Variants in ADAMTSL1 observed in about 807,000 individuals in gnomAD.
ADAMTSL1 encodes ADAMTS-like protein 1.
A neutral mutation model predicts 201.8 loss-of-function variants in ADAMTSL1; 126 were observed. The ratio of observed to expected loss-of-function variants is 0.62; its 90% CI spans 0.54 to 0.72. The LOEUF (loss-of-function observed/expected upper bound fraction) is 0.72. ADAMTSL1 is among the 30% of genes least tolerant of loss of function. The pLI, the probability that ADAMTSL1 is intolerant of heterozygous loss-of-function variation, is 0.00. For missense variants in ADAMTSL1, 2,679 were observed against 2,277.8 expected, an observed-to-expected ratio of 1.18 and a Z score of -3.59; for synonymous variants, 1,121 against 903.4, an observed-to-expected ratio of 1.24 and a Z score of -4.32.
intron 1 of ADAMTSL1, among the ~76,000 whole-genome samples, chr9:18,069,344 T>C (rs935072321): frequency 1.3e-5 from 2 of 152,202 alleles, no homozygotes; most frequent in Non-Finnish European, 2.9e-5. Context: ...ACATTTAAAT[T>C]ATATATGTGG....
At chr9:18,428,424 C>A (rs1459415680) in intron 2 of ADAMTSL1, among the ~76,000 whole-genome samples, 5 of 124,918 alleles carry the variant, frequency 4.0e-5, no homozygotes, top group Non-Finnish European at 5.1e-5. Flanking sequence ...TTGTGAGACC[C>A]CTATGTCTAC....
intron 2 of ADAMTSL1, among the ~76,000 whole-genome samples, chr9:18,231,008 C>A (rs759508734): frequency 6.6e-6 from 1 of 152,152 alleles, no homozygotes; most frequent in African/African-American, 2.4e-5. Context: ...GTGCTTAATG[C>A]ACCACTTCCT....
intron 2 of ADAMTSL1, among the ~76,000 whole-genome samples, chr9:18,302,064 G>A (rs927156059): frequency 2.6e-5 from 4 of 152,148 alleles, no homozygotes; most frequent in African/African-American, 4.8e-5. Context: ...TCTTTAAGGT[G>A]TAGTTGAAGT....
intron 4 of ADAMTSL1, among the ~76,000 whole-genome samples, chr9:18,587,857 G>A (rs145524235): frequency 0.012 from 1,833 of 152,126 alleles, 18 homozygotes; most frequent in Non-Finnish European, 0.016. Flanking sequence ...TATACCATGT[G>A]TCATAACCAT....
chr9:18,607,572 TTTATTA>T (rs59454405), intron 4 of ADAMTSL1, among the ~76,000 whole-genome samples: 60,143 of 140,378 alleles, frequency 0.43, 12,594 homozygotes, highest in East Asian at 0.68. Flanking sequence ...CATAATTTCT[TTTATTA>T]TTATTATTAT....
chr9:18,630,576 C>T (rs1490681541), intron 5 of ADAMTSL1, among the ~76,000 whole-genome samples: 1 of 152,154 alleles, frequency 6.6e-6, no homozygotes, highest in East Asian at 1.9e-4. Context: ...ACTTCCAAAG[C>T]TGTAGCCTAG....
At position 18,632,007 on chromosome 9, in the gene ADAMTSL1, G is replaced by A. The variant is rs532055848; in HGVS notation, c.602-3936G>A. Among the ~76,000 whole-genome samples the A allele has an allele frequency of 2.6e-5, 4 of 152,304 alleles. No individual in the cohort carries two copies. In the East Asian group the frequency reaches 5.8e-4, roughly 22 times the overall value. ...TAGATTAGGGCAGATGCACTCAATC[G>A]TAAAACAGTGTGCCTTTGTAGGAAA... On this transcript the variant is annotated intron_variant, in intron 5 of 28. Transcript: ENST00000380548.
At chr9:17,939,995 C>CA (rs1827170165) in intron 1 of ADAMTSL1, among the ~76,000 whole-genome samples, 1 of 151,930 alleles carries the variant, frequency 6.6e-6, no homozygotes, top group Non-Finnish European at 1.5e-5. Context: ...TAGAGAACAG[C>CA]ATTGCAGAGG....
chr9:18,113,369 G>T (rs1438721000), intron 1 of ADAMTSL1, among the ~76,000 whole-genome samples: 1 of 152,082 alleles, frequency 6.6e-6, no homozygotes, highest in Non-Finnish European at 1.5e-5. Flanking sequence ...GATGGGATTG[G>T]GCAAGACTGG....
intron 2 of ADAMTSL1, among the ~76,000 whole-genome samples, chr9:18,418,615 A>G (rs929427307): frequency 2.6e-5 from 4 of 152,210 alleles, no homozygotes; most frequent in Non-Finnish European, 5.9e-5. Flanking sequence ...TAAAATGGGG[A>G]AAATGATATA....
chr9:18,628,559 T>C (rs1297021261), intron 5 of ADAMTSL1, among the ~76,000 whole-genome samples: 1 of 152,330 alleles, frequency 6.6e-6, no homozygotes, highest in East Asian at 1.9e-4. Flanking sequence ...TATTCTATTC[T>C]GGGTCTTTGT....
At chr9:18,839,667 C>T (rs1825584732) in intron 23 of ADAMTSL1, among the ~76,000 whole-genome samples, 1 of 152,116 alleles carries the variant, frequency 6.6e-6, no homozygotes, top group South Asian at 2.1e-4. Flanking sequence ...AAAAGTGTTC[C>T]TATTTCTCCA....
In ADAMTSL1 at chr9:18,366,327, A is replaced by T. The variant is rs190815824; in HGVS notation, c.208-138502A>T. ...AGCGTGCATCAGCTTCCTTATATAC[A>T]TATGGCTGAAGTCATCTCGGTGCTA... On this transcript the variant is annotated intron_variant, in intron 2 of 29. Coordinates refer to the ADAMTSL1 transcript ENST00000680146. 6.6e-3 allele frequency among the ~76,000 whole-genome samples: 800 copies of T among 120,446 alleles called. 8 individuals are homozygous for T. The highest frequency in any genetic ancestry group is 0.022 in the African/African-American group (772 of 35,738). The allele number at this position is 120,446 out of a possible 152,430, so 79.0% of individuals were successfully genotyped here. A position where few individuals can be genotyped will look rare whatever the true frequency, so the allele number is the denominator to read the frequency against.
chr9:18,221,041 C>T (rs532137722), intron 2 of ADAMTSL1, among the ~76,000 whole-genome samples: 2 of 152,238 alleles, frequency 1.3e-5, no homozygotes, highest in South Asian at 4.1e-4. Flanking sequence ...TCCCAAAGTT[C>T]GGGGATTACA....
At chr9:18,036,328 G>C (rs1383310691) in intron 1 of ADAMTSL1, among the ~76,000 whole-genome samples, 1 of 152,158 alleles carries the variant, frequency 6.6e-6, no homozygotes, top group Non-Finnish European at 1.5e-5. Context: ...CCAAAGGCCC[G>C]TGGATTCTCC....
intron 1 of ADAMTSL1, among the ~76,000 whole-genome samples, chr9:17,944,370 A>G (rs201181406): frequency 1.4e-3 from 213 of 152,202 alleles, no homozygotes; most frequent in Admixed American, 2.4e-3. Flanking sequence ...AATCAATATC[A>G]TGAAAATGGC....
chr9:18,152,485 A>G (rs930322250), intron 1 of ADAMTSL1, among the ~76,000 whole-genome samples: 14 of 152,056 alleles, frequency 9.2e-5, no homozygotes, highest in Non-Finnish European at 1.9e-4. Context: ...TTGCAGGGCA[A>G]GAAACAATAG....
intron 2 of ADAMTSL1, among the ~76,000 whole-genome samples, chr9:18,509,923 C>T (rs1037220237): frequency 5.9e-5 from 9 of 152,192 alleles, no homozygotes; most frequent in Admixed American, 2.6e-4. Context: ...TTCTCCACTC[C>T]AGATCTAGGC....
chr9:18,685,187 T>C (rs1830753338), intron 13 of ADAMTSL1, among the ~76,000 whole-genome samples: 1 of 152,202 alleles, frequency 6.6e-6, no homozygotes, highest in African/African-American at 2.4e-5. Context: ...GTCACAAAAA[T>C]TAAAGAGCAA....
Sources: gnomAD v4.1 joint callset for allele counts (sites outside exome capture counted in the v4.1 genomes callset) on GRCh38, gnomAD v4.1.1 for gene constraint, MANE v1.5 for transcripts, NCBI Gene and HGNC (gene_info 2026-07-23, HGNC 2026-07-21) for gene names.